The following VANGL1 variants were observed in gnomAD, a reference collection of about 807,000 sequenced individuals.
VANGL1 encodes the protein vang-like protein 1.
Under a neutral mutation model 48.4 loss-of-function variants are expected in VANGL1, and 18 were observed. That is an observed-to-expected ratio of 0.37 (90% confidence interval 0.26 to 0.55). The LOEUF (loss-of-function observed/expected upper bound fraction) is 0.55. Among genes scored for constraint, VANGL1 ranks in the 20% least tolerant of loss-of-function variants. The probability of loss-of-function intolerance (pLI) is 0.81; values close to 1 mark genes in which losing one functional copy is unlikely to be tolerated. For missense variants in VANGL1, 667 were observed against 675.8 expected, an observed-to-expected ratio of 0.99 and a Z score of 0.14; for synonymous variants, 257 against 261.8, an observed-to-expected ratio of 0.98 and a Z score of 0.18.
chr1:115,665,907 CACTCACAGTCACTTGG>C (rs2101007845), intron 4 of VANGL1, among the ~76,000 whole-genome samples: 1 of 152,326 alleles, frequency 6.6e-6, no homozygotes, highest in South Asian at 2.1e-4. Context: ...GCACCTGTGG[CACTCACAGTCACTTGG>C]AAAGAGACCA....
At position 115,694,156 on chromosome 1, in the gene VANGL1, C is replaced by G. The variant is rs945304596; in HGVS notation, c.*2777C>G. The G allele has an allele frequency of 6.6e-6, 1 of 152,156 alleles. No homozygotes were observed. Among genetic ancestry groups the G allele is most frequent in the Non-Finnish European group, 1.5e-5 (1 of 68,046 alleles). 9.4% of individuals were successfully genotyped at this position (152,156 alleles called of 1,614,324 possible). On this transcript the variant is annotated 3_prime_UTR_variant, in exon 8 of 8. Transcript: ENST00000355485. Reference sequence around the variant, plus strand: ...TGCATTCTCAGAGAGGATTTTAAAGCTATATAGTTCATCCATCCTTTGCAT... The same window carrying G: ...TGCATTCTCAGAGAGGATTTTAAAGGTATATAGTTCATCCATCCTTTGCAT...
chr1:115,654,770 T>C (rs1214260757), intron 2 of VANGL1, among the ~76,000 whole-genome samples: 1 of 152,140 alleles, frequency 6.6e-6, no homozygotes, highest in Non-Finnish European at 1.5e-5. Context: ...CTGCCAGTTA[T>C]GTTAACTGCT....
chr1:115,646,284 G>C (rs1651910673), intron 1 of VANGL1, among the ~76,000 whole-genome samples: 1 of 152,118 alleles, frequency 6.6e-6, no homozygotes, highest in East Asian at 1.9e-4. Context: ...TGCATGCAAT[G>C]TGGTTCAATG....
intron 4 of VANGL1, 148 bp downstream of exon 4, chr1:115,664,416 G>C: frequency 7.9e-7 from 1 of 1,270,292 alleles, no homozygotes; most frequent in Non-Finnish European, 1.1e-6. Context: ...ATGCGAGGGT[G>C]GGGAGGGTGT....
At chr1:115,662,621 C>G (rs1027548022) in intron 3 of VANGL1, among the ~76,000 whole-genome samples, 7 of 152,078 alleles carry the variant, frequency 4.6e-5, no homozygotes, top group Non-Finnish European at 8.8e-5. Context: ...GTTTCTATGC[C>G]CTTGATGTTT....
At chr1:115,684,167 C>G in intron 6 of VANGL1, 91 bp downstream of exon 6, 2 of 1,257,778 alleles carry the variant, frequency 1.6e-6, no homozygotes, top group Non-Finnish European at 2.1e-6. Context: ...GAGACAGAAT[C>G]TCACTCTGTT....
intron 3 of VANGL1, among the ~76,000 whole-genome samples, chr1:115,662,159 T>C (rs776183760): frequency 6.6e-6 from 1 of 152,172 alleles, no homozygotes; most frequent in Non-Finnish European, 1.5e-5. Context: ...ATTATTAGTT[T>C]ATGGGATTGA....
intron 1 of VANGL1, among the ~76,000 whole-genome samples, chr1:115,647,801 A>T (rs960294741): frequency 6.6e-6 from 1 of 152,184 alleles, no homozygotes; most frequent in Non-Finnish European, 1.5e-5. Flanking sequence ...AGGAATTGGG[A>T]AGAACAGGAC....
At position 115,691,148 on chromosome 1, in the gene VANGL1, C is replaced by T. The variant is rs953417194; in HGVS notation, c.1344C>T (p.Gly448=). Residue 448 remains glycine, a synonymous_variant, in exon 8 of 8, where the codon GGC becomes GGT. Coordinates refer to ENST00000355485, the MANE Select transcript of VANGL1 (RefSeq NM_138959.3). ...TCCTAGAACGGTACCTCAGTGCGGGCCCCACCCTGCAATATGACAAGGACC... is the reference window on the plus strand; with the variant it reads ...TCCTAGAACGGTACCTCAGTGCGGGTCCCACCCTGCAATATGACAAGGACC... ...KAFLERYLSA[G]PTLQYDKDRW... is the part of the protein sequence containing the mutation. 6.2e-7 allele frequency: 1 copy of T among 1,614,152 alleles called. No individual in the cohort carries two copies. The highest frequency in any genetic ancestry group is 1.1e-5 in the South Asian group (1 of 91,074).
chr1:115,642,384 T>A (rs1651765093), intron 1 of VANGL1, among the ~76,000 whole-genome samples: 2 of 152,020 alleles, frequency 1.3e-5, no homozygotes, highest in Admixed American at 1.3e-4. Context: ...CGGGGTTCCC[T>A]GCTCACACCT....
At chr1:115,662,872 C>T (rs1473736566) in intron 3 of VANGL1, among the ~76,000 whole-genome samples, 1 of 151,768 alleles carries the variant, frequency 6.6e-6, no homozygotes, top group Non-Finnish European at 1.5e-5. Context: ...CTGCAACCTC[C>T]GACTCCCGGG....
rs1222546149 is a variant in VANGL1, at chr1:115,682,463, G to T, written c.912G>T (p.Lys304Asn). 6.2e-7 allele frequency: 1 copy of T among 1,614,170 alleles called. No homozygotes were observed. The highest frequency in any genetic ancestry group is 2.2e-5 in the East Asian group (1 of 44,882). ...CAGCCTCCAAATTCCGAGCAGCCAA[G>T]CATATGGCCGGGCTGAAAGTCTACA... ...LLTASKFRAA[K>N]HMAGLKVYNV... The change falls in exon 5 of 8, where the codon AAG becomes AAT. Residue 304 changes from lysine to asparagine, a missense_variant. Coordinates refer to ENST00000355485, the MANE Select transcript of VANGL1 (RefSeq NM_138959.3).
intron 2 of VANGL1, among the ~76,000 whole-genome samples, chr1:115,653,967 G>A (rs1570740404): frequency 6.6e-6 from 1 of 152,274 alleles, no homozygotes; most frequent in East Asian, 1.9e-4. Context: ...ATAGGGCACA[G>A]CAACTGTGGG....
intron 4 of VANGL1, among the ~76,000 whole-genome samples, chr1:115,673,310 A>C (rs1411883376): frequency 6.6e-6 from 1 of 152,132 alleles, no homozygotes; most frequent in African/African-American, 2.4e-5. Flanking sequence ...TCCTTCCCTA[A>C]GTTCGAGTAG....
chr1:115,657,662 G>T (rs545856730), intron 2 of VANGL1, among the ~76,000 whole-genome samples: 1 of 152,254 alleles, frequency 6.6e-6, no homozygotes, highest in African/African-American at 2.4e-5. Flanking sequence ...GAGTTGACCA[G>T]AACACCTCTG....
intron 2 of VANGL1, among the ~76,000 whole-genome samples, 200 bp from the exon 3 acceptor site, chr1:115,659,437 ATATT>A (rs1222875131): frequency 6.6e-6 from 1 of 151,956 alleles, no homozygotes; most frequent in African/African-American, 2.4e-5. Flanking sequence ...CAGAAAGAAA[ATATT>A]TAGTAGGGAG....
chr1:115,651,514 C>A (rs766305962), intron 2 of VANGL1, 30 bp downstream of exon 2: 3 of 1,603,750 alleles, frequency 1.9e-6, no homozygotes, highest in Non-Finnish European at 2.6e-6. Flanking sequence ...TTACACTTTT[C>A]CTTTTGGGGA....
chr1:115,643,308 G>C (rs1651803916), intron 1 of VANGL1, among the ~76,000 whole-genome samples: 1 of 152,152 alleles, frequency 6.6e-6, no homozygotes, highest in Non-Finnish European at 1.5e-5. Context: ...CCCGTCAGTG[G>C]GTGGGTTGAG....
chr1:115,663,022 T>C (rs999662381), intron 3 of VANGL1, among the ~76,000 whole-genome samples: 1 of 152,142 alleles, frequency 6.6e-6, no homozygotes, highest in Non-Finnish European at 1.5e-5. Flanking sequence ...CCTGACCTCC[T>C]GATCCGTCCG....
Sources: allele counts gnomAD v4.1 joint callset (sites outside exome capture counted in the v4.1 genomes callset), GRCh38; gene constraint gnomAD v4.1.1; transcripts MANE v1.5; gene names NCBI Gene and HGNC (gene_info 2026-07-23, HGNC 2026-07-21).